METTL14: variants seen among roughly 807,000 people sequenced by gnomAD.
The protein encoded by METTL14 is N(6)-adenosine-methyltransferase non-catalytic subunit METTL14.
In METTL14, 32 loss-of-function variants were observed where a neutral mutation model predicts 62.4. That is an observed-to-expected ratio of 0.51 (90% CI 0.39 to 0.69). The LOEUF is 0.69. Ranked by LOEUF, METTL14 falls within the 30% of genes least tolerant of loss-of-function variation. The probability of loss-of-function intolerance (pLI) is 0.00; values close to 1 mark genes in which losing one functional copy is unlikely to be tolerated. For missense variants in METTL14, 340 were observed against 551.9 expected (o/e 0.62, Z 3.85); for synonymous variants, 150 against 180.0 (o/e 0.83, Z 1.34).
chr4:118,691,210 T>G (rs1724235985), intron 3 of METTL14, among the ~76,000 whole-genome samples: 1 of 152,172 alleles, frequency 6.6e-6, no homozygotes, highest in African/African-American at 2.4e-5. Context: ...AGTTTCATAT[T>G]GCAACATTGG....
intron 1 of METTL14, among the ~76,000 whole-genome samples, chr4:118,686,348 G>A (rs1350090627): frequency 1.3e-5 from 2 of 152,198 alleles, no homozygotes; most frequent in Admixed American, 6.5e-5. Context: ...TTAGTAGAGT[G>A]CACATGCAGA....
chr4:118,700,709 TAGGA>T, intron 8 of METTL14, 67 bp downstream of exon 8: 5 of 1,118,340 alleles, frequency 4.5e-6, no homozygotes, highest in Non-Finnish European at 6.5e-6. Context: ...GTATGTTGCA[TAGGA>T]TGTTTGAAAG....
At position 118,704,090 on chromosome 4, in the gene METTL14, A is replaced by G. The variant is rs552941308; in HGVS notation, c.855+39A>G. 4.3e-5 allele frequency: 54 copies of G among 1,252,524 alleles called. No homozygotes were observed. The African/African-American group carries it at 7.8e-4, about 18-fold the overall frequency. The allele number at this position is 1,252,524 out of a possible 1,614,324, so 77.6% of individuals were successfully genotyped here. A position where few individuals can be genotyped will look rare whatever the true frequency, so the allele number is the denominator to read the frequency against. On this transcript the variant is annotated intron_variant, in intron 9 of 10. Transcript: ENST00000388822. Reference sequence around the variant, plus strand: ...TGATTTGTTTTTTTTAATTTTTGTGATTTTCTCTCAAGCTTTTCCAAATAA... The same window carrying G: ...TGATTTGTTTTTTTTAATTTTTGTGGTTTTCTCTCAAGCTTTTCCAAATAA...
intron 10 of METTL14, among the ~76,000 whole-genome samples, chr4:118,707,795 T>G (rs1348677196): frequency 6.6e-6 from 1 of 151,992 alleles, no homozygotes; most frequent in African/African-American, 2.4e-5. Context: ...AAAATAAAAT[T>G]TACAGATAAC....
At chr4:118,686,576 G>C (rs1416657810) in intron 1 of METTL14, 3 of 456,084 alleles carry the variant, frequency 6.6e-6, no homozygotes, top group South Asian at 3.1e-5. Context: ...TAAAACCGTG[G>C]AAACTTGGAG....
At chr4:118,694,236 C>T (rs1724338908) in intron 5 of METTL14, among the ~76,000 whole-genome samples, 200 bp from the exon 6 acceptor site, 1 of 150,834 alleles carries the variant, frequency 6.6e-6, no homozygotes, top group Non-Finnish European at 1.5e-5. Context: ...TTTAGAACAT[C>T]TGGGTTTTTA....
In METTL14 at chr4:118,711,714, C is replaced by T. The variant is rs543335607; in HGVS notation, c.*1412C>T. 1 of 151,950 alleles carries T rather than the reference C, an allele frequency of 6.6e-6. No homozygotes were observed. The highest frequency in any genetic ancestry group is 2.4e-5 in the African/African-American group (1 of 41,332). The allele number at this position is 151,950 out of a possible 1,614,324, so 9.4% of individuals were successfully genotyped here. On this transcript the variant is annotated 3_prime_UTR_variant, in exon 11 of 11. Transcript: ENST00000388822. ...CATTAGTACTATCTAGTACAAGACC[C>T]CTTTTTTTTTGCTGAAATTATGGTA...
intron 7 of METTL14, among the ~76,000 whole-genome samples, chr4:118,699,579 G>GA (rs980448796): frequency 6.6e-6 from 1 of 152,058 alleles, no homozygotes; most frequent in Non-Finnish European, 1.5e-5. Context: ...TTGCTCAAAA[G>GA]AAAAAATTTA....
rs1016034053 is a variant in METTL14, at chr4:118,700,781, A to G, written c.738+139A>G. On this transcript the variant is annotated intron_variant, in intron 8 of 10. Coordinates refer to ENST00000388822, the MANE Select transcript of METTL14 (RefSeq NM_020961.4). ...ATTCTAAAATAGTGAGAAAAAAAAA[A>G]TGTCCAGAAAAGAACGTAAGAAAGG... The G allele has an allele frequency of 8.0e-5, 46 of 577,588 alleles. No individual in the cohort carries two copies. The Admixed American group carries it at 1.5e-3, about 19-fold the overall frequency. The allele number at this position is 577,588 out of a possible 1,614,324, so 35.8% of individuals were successfully genotyped here.
rs1177322491 is a variant in METTL14 at position 118,713,867 on chromosome 4, GT to G, written c.*3566del. 6.6e-6 allele frequency: 1 copy of G among 152,114 alleles called. No individual in the cohort carries two copies. The highest frequency in any genetic ancestry group is 1.5e-5 in the Non-Finnish European group (1 of 68,020). The allele number at this position is 152,114 out of a possible 1,614,324, so 9.4% of individuals were successfully genotyped here. On this transcript the variant is annotated 3_prime_UTR_variant, in exon 11 of 11. Coordinates refer to ENST00000388822, the MANE Select transcript of METTL14 (RefSeq NM_020961.4). ...CTCTCAATAACTCTATCATTTACTC[GT>G]ATAAATATTGCTAGCTGTAATGCAC...
intron 7 of METTL14, among the ~76,000 whole-genome samples, chr4:118,700,202 T>C (rs1724547106): frequency 6.6e-6 from 1 of 152,162 alleles, no homozygotes; most frequent in Non-Finnish European, 1.5e-5. Context: ...GTTAAGTGCT[T>C]CATTCTTTTT....
Position 118,715,339 on chromosome 4 carries a change from G to A in METTL14, c.*5037G>A, listed in dbSNP as rs572083067. The A allele has an allele frequency of 6.6e-6, 1 of 152,310 alleles. No homozygotes were observed. The allele number at this position is 152,310 out of a possible 1,614,324, so 9.4% of individuals were successfully genotyped here. ...AGTTTATGCTGGTTAAATGATCAAA[G>A]TAATTGCTTAAATGTCTTGTGGAAT... On this transcript the variant is annotated 3_prime_UTR_variant, in exon 11 of 11. Transcript: ENST00000388822.
chr4:118,702,964 T>C (rs2110407676), intron 8 of METTL14, among the ~76,000 whole-genome samples: 1 of 146,560 alleles, frequency 6.8e-6, no homozygotes, highest in South Asian at 2.1e-4. Context: ...TTATTATTAT[T>C]ATTATTATTA....
chr4:118,698,452 CAAAAAAAAA>C (rs70941202), intron 7 of METTL14, among the ~76,000 whole-genome samples: 7 of 76,660 alleles, frequency 9.1e-5, no homozygotes, highest in African/African-American at 2.2e-4. Context: ...GACTCTGTCT[CAAAAAAAAA>C]AAAAAAAAAA....
intron 3 of METTL14, among the ~76,000 whole-genome samples, chr4:118,690,552 C>T (rs757707782): frequency 5.3e-5 from 8 of 151,850 alleles, no homozygotes; most frequent in East Asian, 3.9e-4. Context: ...TGGTGGCACA[C>T]GCCTGTAATC....
Position 118,689,361 on chromosome 4 carries a change from AT to A in METTL14, c.156-4del. ...ATATTTATGGGTAATATTTCTGTTT[AT>A]TTTTCAGGGCTTCCTATGATACCTC... On this transcript the variant is annotated splice_region_variant and splice_polypyrimidine_tract_variant and intron_variant, in intron 2 of 10. Transcript: ENST00000388822. 6.5e-7 allele frequency: 1 copy of A among 1,536,178 alleles called. No homozygotes were observed. The highest frequency in any genetic ancestry group is 8.9e-7 in the Non-Finnish European group (1 of 1,125,296).
At chr4:118,708,110 C>A (rs928342271) in intron 10 of METTL14, among the ~76,000 whole-genome samples, 7 of 152,164 alleles carry the variant, frequency 4.6e-5, no homozygotes, top group Non-Finnish European at 1.0e-4. Context: ...AAGTGTGAGC[C>A]ACCACACACC....
intron 10 of METTL14, among the ~76,000 whole-genome samples, chr4:118,706,774 A>G (rs1161547388): frequency 1.3e-5 from 2 of 152,132 alleles, no homozygotes; most frequent in Non-Finnish European, 2.9e-5. Context: ...TGGCAATTTT[A>G]GTGTGTGTGT....
rs1724737499 is a variant in METTL14 at position 118,705,762 on chromosome 4, AT to A, written c.1012del (p.Cys338ValfsTer48). On this transcript the variant is annotated frameshift_variant, in exon 10 of 11. Transcript: ENST00000388822. LOFTEE classifies it high-confidence loss of function. ...KPVEIFHIIE[H>X]FCLGRRRLHL... ...GTAGAAATTTTTCATATAATTGAGC[AT>A]TTTTGTCTTGGTAGAAGACGCCTTC... 1 of 1,614,020 alleles carries A rather than the reference AT, an allele frequency of 6.2e-7. No individual in the cohort carries two copies. Among genetic ancestry groups the A allele is most frequent in the African/African-American group, 1.3e-5 (1 of 74,916 alleles).
Sources: gnomAD v4.1 joint callset for allele counts (sites outside exome capture counted in the v4.1 genomes callset) on GRCh38, gnomAD v4.1.1 for gene constraint, MANE v1.5 for transcripts, NCBI Gene and HGNC (gene_info 2026-07-23, HGNC 2026-07-21) for gene names.